HDGFL2: variants seen among roughly 807,000 people sequenced by gnomAD.
HDGFL2 encodes the protein hepatoma-derived growth factor-related protein 2.
A neutral mutation model predicts 77.1 loss-of-function variants in HDGFL2; 36 were observed. That is an observed-to-expected ratio of 0.47 (90% confidence interval 0.36 to 0.62). The LOEUF (loss-of-function observed/expected upper bound fraction) is 0.62. Ranked by LOEUF, HDGFL2 falls within the 20% of genes least tolerant of loss-of-function variation. The pLI is 0.00. For synonymous variants in HDGFL2, 463 were observed against 413.1 expected (o/e 1.12, Z -1.46); for missense variants, 976 against 973.4 (o/e 1.00, Z -0.04).
chr19:4,476,367 A>T (rs960907019), intron 3 of HDGFL2, among the ~76,000 whole-genome samples: 1 of 148,974 alleles, frequency 6.7e-6, no homozygotes, highest in African/African-American at 2.5e-5. Flanking sequence ...TAATTTTTGT[A>T]TTTTTGGTAG....
chr19:4,490,178 C>T (rs550838093), intron 4 of HDGFL2, among the ~76,000 whole-genome samples: 1 of 152,332 alleles, frequency 6.6e-6, no homozygotes, highest in Non-Finnish European at 1.5e-5. Context: ...TCCTCCACCT[C>T]CCGGGTTCAA....
chr19:4,473,191 G>A (rs528657440), intron 1 of HDGFL2, among the ~76,000 whole-genome samples: 2 of 148,804 alleles, frequency 1.3e-5, no homozygotes, highest in Non-Finnish European at 3.0e-5. Context: ...TGGACCTGAG[G>A]GAGCTGCGCC....
At chr19:4,494,129 AG>A (rs751216731) in intron 8 of HDGFL2, 36 bp from the exon 9 acceptor site, 1 of 1,495,772 alleles carries the variant, frequency 6.7e-7, no homozygotes, top group Non-Finnish European at 8.9e-7. Flanking sequence ...CTCCTGAGGG[AG>A]GAACGGAGGT....
intron 4 of HDGFL2, among the ~76,000 whole-genome samples, chr19:4,490,404 GC>G (rs2145189913): frequency 6.6e-6 from 1 of 152,260 alleles, no homozygotes; most frequent in South Asian, 2.1e-4. Context: ...CCTTTTCCTG[GC>G]CGGGTCAGAT....
chr19:4,498,799 C>A lies in HDGFL2; in HGVS notation c.1474-15C>A. 1 of 1,584,520 alleles carries A rather than the reference C, an allele frequency of 6.3e-7. No individual in the cohort carries two copies. The highest frequency in any genetic ancestry group is 1.1e-5 in the South Asian group (1 of 88,232). On this transcript the variant is annotated splice_polypyrimidine_tract_variant and intron_variant, in intron 12 of 15. Transcript: ENST00000616600. ...TTGGCCAGGCCGTCTCCCTCACTCC[C>A]ACCCCACCCTGCAGGACGTGAAGAG... is the stretch of plus-strand genomic sequence containing the variant.
intron 3 of HDGFL2, among the ~76,000 whole-genome samples, chr19:4,476,215 A>G (rs1008530466): frequency 9.1e-6 from 1 of 110,246 alleles, no homozygotes; most frequent in African/African-American, 3.7e-5. Flanking sequence ...TTTTTTTGAG[A>G]CAGAGTCTTG....
chr19:4,473,846 G>A (rs927509792), intron 1 of HDGFL2, among the ~76,000 whole-genome samples: 5 of 151,946 alleles, frequency 3.3e-5, no homozygotes, highest in Admixed American at 3.3e-4. Context: ...GGAGGGACTT[G>A]AGGGTGGGGT....
intron 1 of HDGFL2, chr19:4,475,021 C>T (rs1284957671): frequency 2.0e-6 from 1 of 500,264 alleles, no homozygotes; most frequent in African/African-American, 2.0e-5. Flanking sequence ...CCGGATCTGG[C>T]TTTGCTCAGG....
chr19:4,477,121 G>A (rs1975093141), intron 3 of HDGFL2, among the ~76,000 whole-genome samples: 1 of 152,128 alleles, frequency 6.6e-6, no homozygotes, highest in Non-Finnish European at 1.5e-5. Context: ...GGGTCTTGAG[G>A]TGGCCTGTCT....
chr19:4,500,151 G>A (rs1224259902), intron 14 of HDGFL2, among the ~76,000 whole-genome samples: 1 of 152,372 alleles, frequency 6.6e-6, no homozygotes, highest in African/African-American at 2.4e-5. Context: ...GACCCTCGGG[G>A]CTGCTGGCTG....
intron 3 of HDGFL2, among the ~76,000 whole-genome samples, chr19:4,486,052 CAAAAA>C (rs548919228): frequency 1.3e-5 from 1 of 74,966 alleles, no homozygotes. Flanking sequence ...GACCCCGTCT[CAAAAA>C]AAAAAAAAAA....
intron 10 of HDGFL2, chr19:4,497,367 T>G: frequency 3.0e-6 from 1 of 330,278 alleles, no homozygotes; most frequent in Non-Finnish European, 5.9e-6. Context: ...CCGGCTAATT[T>G]TTTGTATTTT....
chr19:4,497,181 C>T (rs146793578), intron 10 of HDGFL2: 8,007 of 445,054 alleles, frequency 0.018, 136 homozygotes, highest in Non-Finnish European at 0.024. Context: ...CTGCAGCCCA[C>T]GTTTTTGTTT....
intron 14 of HDGFL2, 102 bp from the exon 15 acceptor site, chr19:4,501,089 A>G (rs1410632669): frequency 4.8e-6 from 7 of 1,462,972 alleles, no homozygotes; most frequent in Non-Finnish European, 6.5e-6. Context: ...TGTGTCACCC[A>G]CGGCGCTCAG....
At chr19:4,475,217 C>T in intron 1 of HDGFL2, 58 bp from the exon 2 acceptor site, 3 of 1,498,902 alleles carry the variant, frequency 2.0e-6, no homozygotes, top group South Asian at 2.3e-5. Flanking sequence ...TGGCTGATTT[C>T]TCGGTGATTT....
intron 3 of HDGFL2, 55 bp from the exon 4 acceptor site, chr19:4,488,621 G>A: frequency 6.7e-7 from 1 of 1,481,778 alleles, no homozygotes; most frequent in African/African-American, 1.4e-5. Flanking sequence ...AGTCCTGATG[G>A]GGAAATCCAC....
Position 4,502,040 on chromosome 19 carries a change from C to G in HDGFL2, c.*30C>G, listed in dbSNP as rs888385501. On this transcript the variant is annotated 3_prime_UTR_variant, in exon 16 of 16. Coordinates refer to ENST00000616600, the MANE Select transcript of HDGFL2 (RefSeq NM_001001520.3). ...CGGGCAGCCAGGCCCAGCCCCCGCC[C>G]GAGCTCAGGCTGCCCCTCTCCTTCC... 42 of 1,467,826 alleles carry G rather than the reference C, an allele frequency of 2.9e-5. No individual in the cohort carries two copies. The highest frequency in any genetic ancestry group is 3.9e-5 in the Non-Finnish European group (42 of 1,086,046). 90.9% of individuals were successfully genotyped at this position (1,467,826 alleles called of 1,614,324 possible).
Position 4,491,814 on chromosome 19 carries a change from T to G in HDGFL2, c.657T>G (p.Pro219=). The G allele has an allele frequency of 6.2e-7, 1 of 1,613,932 alleles. No individual in the cohort carries two copies. The highest frequency in any genetic ancestry group is 1.1e-5 in the South Asian group (1 of 91,084). Residue 219 remains proline, a synonymous_variant, in exon 6 of 16, where the codon CCT becomes CCG. Coordinates refer to ENST00000616600, the MANE Select transcript of HDGFL2 (RefSeq NM_001001520.3). ...KAAVRAPRRG[P]LGGRKKKKAP... ...CGGTCCGGGCGCCACGGAGGGGCCC[T>G]CTGGGGGGACGGAAAAAAAAGGTAG...
intron 3 of HDGFL2, among the ~76,000 whole-genome samples, chr19:4,484,982 T>C (rs1015180570): frequency 6.6e-6 from 1 of 151,502 alleles, no homozygotes; most frequent in Non-Finnish European, 1.5e-5. Context: ...ATTTTTTGTA[T>C]TTTTTAGTAG....
Sources: allele counts gnomAD v4.1 joint callset (sites outside exome capture counted in the v4.1 genomes callset), GRCh38; gene constraint gnomAD v4.1.1; transcripts MANE v1.5; gene names NCBI Gene and HGNC (gene_info 2026-07-23, HGNC 2026-07-21).